The following SLC12A6 variants were observed in gnomAD, a reference collection of about 807,000 sequenced individuals.
SLC12A6 encodes the protein K-Cl cotransporter 3.
SLC12A6 carries 66 observed loss-of-function variants against 135.3 expected under a neutral mutation model. The observed-to-expected ratio is 0.49, with a 90% confidence interval of 0.40 to 0.60. The LOEUF (loss-of-function observed/expected upper bound fraction) is 0.60. SLC12A6 is among the 20% of genes least tolerant of loss of function. The pLI is 0.00. For synonymous variants in SLC12A6, 513 were observed against 508.8 expected (o/e 1.01, Z -0.11); for missense variants, 1,058 against 1,452.3 (o/e 0.73, Z 4.41).
intron 13 of SLC12A6, among the ~76,000 whole-genome samples, chr15:34,248,764 T>C (rs1892181302): frequency 6.6e-6 from 1 of 152,150 alleles, no homozygotes. Context: ...TATATTCAAA[T>C]GGAGTTGCTG....
intron 2 of SLC12A6, among the ~76,000 whole-genome samples, chr15:34,285,672 G>A (rs1279195985): frequency 2.9e-5 from 2 of 68,870 alleles, no homozygotes; most frequent in African/African-American, 7.0e-5. Context: ...ACTAATGGAT[G>A]AATAAACAAA....
At chr15:34,285,847 T>C (rs901293226) in intron 2 of SLC12A6, among the ~76,000 whole-genome samples, 1 of 152,002 alleles carries the variant, frequency 6.6e-6, no homozygotes, top group African/African-American at 2.4e-5. Flanking sequence ...AAATACCATA[T>C]GATTCCACTT....
At chr15:34,335,959 T>C (rs1890168826) in intron 2 of SLC12A6, among the ~76,000 whole-genome samples, 1 of 152,192 alleles carries the variant, frequency 6.6e-6, no homozygotes, top group South Asian at 2.1e-4. Flanking sequence ...ATTCGAAGTC[T>C]TGGAGGAAAG....
chr15:34,262,695 G>T (rs912963736), intron 3 of SLC12A6, among the ~76,000 whole-genome samples: 2 of 152,162 alleles, frequency 1.3e-5, no homozygotes, highest in Admixed American at 6.5e-5. Context: ...CAGGGTTGCG[G>T]ACACCCGTCT....
chr15:34,299,279 C>G (rs1345258401), intron 2 of SLC12A6, among the ~76,000 whole-genome samples: 1 of 152,182 alleles, frequency 6.6e-6, no homozygotes, highest in East Asian at 1.9e-4. Flanking sequence ...AAAACTTCAG[C>G]TTGGCATTTA....
At chr15:34,309,521 A>G (rs1196487471) in intron 2 of SLC12A6, among the ~76,000 whole-genome samples, 4 of 152,184 alleles carry the variant, frequency 2.6e-5, no homozygotes, top group Non-Finnish European at 4.4e-5. Context: ...AAATTTTGGA[A>G]GTGAGAGATT....
chr15:34,276,756 T>C (rs1894322941), intron 2 of SLC12A6, among the ~76,000 whole-genome samples: 1 of 152,238 alleles, frequency 6.6e-6, no homozygotes, highest in Non-Finnish European at 1.5e-5. Flanking sequence ...TGTCTAACAA[T>C]AAATCTGAGA....
chr15:34,234,364 C>G (rs1891112849), intron 25 of SLC12A6, among the ~76,000 whole-genome samples: 1 of 152,036 alleles, frequency 6.6e-6, no homozygotes, highest in Non-Finnish European at 1.5e-5. Context: ...TCTTTTTAAA[C>G]CTTTTTCTTT....
chr15:34,260,906 AG>A lies in SLC12A6; in HGVS notation c.411+19del, dbSNP rs757812494. On this transcript the variant is annotated intron_variant, in intron 4 of 25. Coordinates refer to ENST00000354181, the MANE Select transcript of SLC12A6 (RefSeq NM_001365088.1). ...CTCTGTTCCTAAAGTCTCAGTCCAT[AG>A]TTTTCTCCAAAATATTACCTCAAAG... is the stretch of plus-strand genomic sequence containing the variant. 5.0e-6 allele frequency: 5 copies of A among 996,328 alleles called. No individual in the cohort carries two copies. In the Admixed American group the frequency reaches 8.4e-5, roughly 17 times the overall value. The allele number at this position is 996,328 out of a possible 1,614,324, so 61.7% of individuals were successfully genotyped here.
chr15:34,319,330 G>A (rs1279113442), intron 2 of SLC12A6, among the ~76,000 whole-genome samples: 5 of 151,088 alleles, frequency 3.3e-5, no homozygotes, highest in Middle Eastern at 3.4e-3. Flanking sequence ...TAGTAGAGAC[G>A]GGGGTCTCAC....
chr15:34,310,547 C>CTG lies in SLC12A6; in HGVS notation c.271+25861_271+25862dup, dbSNP rs59979245. On this transcript the variant is annotated intron_variant, in intron 2 of 25. Coordinates refer to ENST00000354181, the MANE Select transcript of SLC12A6 (RefSeq NM_001365088.1). ...GCTAGTGTTGAACTCCTGGGCTCAA[C>CTG]TGTGTGTGTGTGTGTGTGTGTGTAT... Among the ~76,000 whole-genome samples the CTG allele has an allele frequency of 3.5e-3, 120 of 34,104 alleles. 12 individuals carry two copies. The highest frequency in any genetic ancestry group is 4.3e-3 in the Non-Finnish European group (92 of 21,162). The allele number at this position is 34,104 out of a possible 152,430, so 22.4% of individuals were successfully genotyped here.
intron 19 of SLC12A6, 73 bp from the exon 20 acceptor site, chr15:34,239,233 A>G (rs893048647): frequency 3.6e-6 from 4 of 1,103,090 alleles, no homozygotes; most frequent in African/African-American, 3.1e-5. Context: ...CCTTCTCCAT[A>G]TTATATCCCC....
chr15:34,309,974 A>G (rs1244684629), intron 2 of SLC12A6, among the ~76,000 whole-genome samples: 1 of 151,402 alleles, frequency 6.6e-6, no homozygotes, highest in Non-Finnish European at 1.5e-5. Flanking sequence ...ATTTCAATCT[A>G]TTTTAATGTT....
intron 9 of SLC12A6, 151 bp downstream of exon 9, chr15:34,254,197 T>C (rs1892586176): frequency 2.5e-6 from 2 of 807,994 alleles, no homozygotes; most frequent in East Asian, 4.9e-5. Flanking sequence ...GTAGGCTTCC[T>C]GCCTAGATGA....
chr15:34,315,532 G>C (rs764022851), intron 2 of SLC12A6, among the ~76,000 whole-genome samples: 9 of 152,048 alleles, frequency 5.9e-5, no homozygotes, highest in Non-Finnish European at 1.0e-4. Context: ...TTTGAGTCCA[G>C]CCTGAGTAAC....
rs35044445 is a variant in SLC12A6, at chr15:34,265,402, T to TA, written c.317-4383dup. On this transcript the variant is annotated intron_variant, in intron 3 of 25. Coordinates refer to ENST00000354181, the MANE Select transcript of SLC12A6 (RefSeq NM_001365088.1). ...AGTAAGTAAAAACAACAACAGCAAT[T>TA]AAAAAAAAAAAAACAAACAAAAAAG... is the stretch of plus-strand genomic sequence containing the variant. Among the ~76,000 whole-genome samples, 222 of 119,792 alleles carry TA rather than the reference T, an allele frequency of 1.9e-3. 1 individual carries two copies. The highest frequency in any genetic ancestry group is 2.6e-3 in the East Asian group (12 of 4,550). The allele number at this position is 119,792 out of a possible 152,430, so 78.6% of individuals were successfully genotyped here. A position where few individuals can be genotyped will look rare whatever the true frequency, so the allele number is the denominator to read the frequency against.
intron 13 of SLC12A6, among the ~76,000 whole-genome samples, chr15:34,248,601 G>A (rs1429968602): frequency 6.6e-6 from 1 of 151,048 alleles, no homozygotes; most frequent in Non-Finnish European, 1.5e-5. Flanking sequence ...CATATACTGT[G>A]TTATATACAT....
chr15:34,326,986 T>C (rs1045083818), intron 2 of SLC12A6, among the ~76,000 whole-genome samples: 1 of 150,102 alleles, frequency 6.7e-6, no homozygotes, highest in Non-Finnish European at 1.5e-5. Context: ...GAAAATGCAG[T>C]GTAATGACAA....
chr15:34,255,210 C>T (rs1246346903), intron 8 of SLC12A6, 52 bp downstream of exon 8: 1 of 1,386,154 alleles, frequency 7.2e-7, no homozygotes, highest in African/African-American at 1.4e-5. Flanking sequence ...AAAGAATAAA[C>T]CTAAATCAAT....
Sources: allele counts gnomAD v4.1 joint callset (sites outside exome capture counted in the v4.1 genomes callset), GRCh38; gene constraint gnomAD v4.1.1; transcripts MANE v1.5; gene names NCBI Gene and HGNC (gene_info 2026-07-23, HGNC 2026-07-21).